The following ESRRG variants were observed in gnomAD, a reference collection of about 807,000 sequenced individuals.
ESRRG encodes estrogen related receptor gamma.
Under a neutral mutation model 44.0 loss-of-function variants are expected in ESRRG, and 13 were observed. The ratio of observed to expected loss-of-function variants is 0.30; its 90% confidence interval spans 0.19 to 0.47. The LOEUF is 0.47. Ranked by LOEUF, ESRRG falls within the 20% of genes least tolerant of loss-of-function variation. The pLI is 1.00. For missense variants in ESRRG, 395 were observed against 580.6 expected (o/e 0.68, Z 3.29); for synonymous variants, 215 against 214.6 (o/e 1.00, Z -0.02).
At chr1:216,596,545 GGGA>G (rs999743222) in intron 3 of ESRRG, among the ~76,000 whole-genome samples, 11 of 152,148 alleles carry the variant, frequency 7.2e-5, no homozygotes, top group African/African-American at 2.7e-4. Context: ...GAGGGAGAGT[GGGA>G]GGAGAACAGA....
At chr1:217,051,745 C>G (rs899101304) in intron 1 of ESRRG, among the ~76,000 whole-genome samples, 1 of 152,106 alleles carries the variant, frequency 6.6e-6, no homozygotes, top group African/African-American at 2.4e-5. Flanking sequence ...ATCTGGAGTC[C>G]TATTCTGCCC....
intron 2 of ESRRG, among the ~76,000 whole-genome samples, chr1:216,744,186 A>C (rs1336846008): frequency 6.6e-6 from 1 of 152,164 alleles, no homozygotes; most frequent in Admixed American, 6.6e-5. Context: ...TGTCCGTTAG[A>C]GTCTCTTCCT....
intron 2 of ESRRG, among the ~76,000 whole-genome samples, chr1:216,882,728 AG>A (rs1303199983): frequency 5.3e-5 from 8 of 152,232 alleles, no homozygotes; most frequent in Admixed American, 3.9e-4. Flanking sequence ...CTAAAAAGAA[AG>A]CAGAAGAAAA....
chr1:217,122,211 T>G (rs755403279), intron 1 of ESRRG, among the ~76,000 whole-genome samples: 1 of 152,148 alleles, frequency 6.6e-6, no homozygotes, highest in Non-Finnish European at 1.5e-5. Flanking sequence ...GACTTTCAAG[T>G]AGAGATATCC....
rs111805075 is a variant in ESRRG, at chr1:216,960,580, G to GTGTT, written c.-105-20911_-105-20908dup. On this transcript the variant is annotated intron_variant, in intron 1 of 7. Coordinates refer to the ESRRG transcript ENST00000359162. Reference sequence around the variant, plus strand: ...TACTACGCTTTTATGACTCCTCCATGTGTTTGTTTGTTTGTTTGTTTGTGG... The same window carrying GTGTT: ...TACTACGCTTTTATGACTCCTCCATGTGTTTGTTTGTTTGTTTGTTTGTTTGTGG... 1.4e-3 allele frequency among the ~76,000 whole-genome samples: 208 copies of GTGTT among 150,420 alleles called. 1 individual carries two copies. The highest frequency in any genetic ancestry group is 3.2e-3 in the African/African-American group (131 of 41,090).
intron 2 of ESRRG, among the ~76,000 whole-genome samples, chr1:216,879,484 CAAAAAAAAAA>C (rs755104959): frequency 1.1e-5 from 1 of 89,442 alleles, no homozygotes; most frequent in East Asian, 3.6e-4. Flanking sequence ...AAAAGGCCAC[CAAAAAAAAAA>C]AAAAAAAAAA....
chr1:216,811,237 A>G (rs2094958805), intron 2 of ESRRG, among the ~76,000 whole-genome samples: 2 of 147,414 alleles, frequency 1.4e-5, no homozygotes, highest in African/African-American at 5.3e-5. Context: ...TTTAGTCGTT[A>G]TCATCTCTTT....
intron 1 of ESRRG, among the ~76,000 whole-genome samples, chr1:216,722,084 A>G (rs951391294): frequency 1.3e-5 from 2 of 152,066 alleles, no homozygotes; most frequent in African/African-American, 4.8e-5. Flanking sequence ...CTCTTACTTA[A>G]TTACAAAGCA....
intron 5 of ESRRG, among the ~76,000 whole-genome samples, chr1:216,560,942 T>C (rs1398162815): frequency 1.3e-5 from 2 of 152,168 alleles, no homozygotes; most frequent in Non-Finnish European, 2.9e-5. Context: ...CTGGGCCCTG[T>C]CATTCTTAAA....
intron 2 of ESRRG, among the ~76,000 whole-genome samples, chr1:216,814,401 C>G (rs753897177): frequency 6.6e-6 from 1 of 152,134 alleles, no homozygotes; most frequent in Non-Finnish European, 1.5e-5. Flanking sequence ...GTCAAAATCA[C>G]TCAAATAACT....
chr1:216,766,208 T>A (rs1212897140), intron 2 of ESRRG, among the ~76,000 whole-genome samples: 1 of 152,118 alleles, frequency 6.6e-6, no homozygotes, highest in Non-Finnish European at 1.5e-5. Context: ...TTCTCCACTT[T>A]CTTATGCTTA....
intron 1 of ESRRG, among the ~76,000 whole-genome samples, chr1:216,950,826 T>TA (rs1356701333): frequency 1.3e-5 from 2 of 152,270 alleles, no homozygotes; most frequent in Middle Eastern, 3.4e-3. Flanking sequence ...CTCTTATTTT[T>TA]AAAAAAATAT....
At chr1:216,733,881 T>C (rs2089348818) in intron 2 of ESRRG, among the ~76,000 whole-genome samples, 1 of 150,058 alleles carries the variant, frequency 6.7e-6, no homozygotes, top group African/African-American at 2.5e-5. Flanking sequence ...TCTTAGCTAT[T>C]GGGAGGTTGA....
chr1:216,901,750 C>G (rs1229445333), intron 2 of ESRRG, among the ~76,000 whole-genome samples: 1 of 151,172 alleles, frequency 6.6e-6, no homozygotes, highest in Non-Finnish European at 1.5e-5. Flanking sequence ...TGGCAAAGTG[C>G]CTACTGATAC....
intron 1 of ESRRG, among the ~76,000 whole-genome samples, chr1:216,943,107 T>A (rs1425299181): frequency 6.6e-6 from 1 of 152,158 alleles, no homozygotes; most frequent in East Asian, 1.9e-4. Context: ...GGATTTTGCA[T>A]TGCAAGATTC....
intron 3 of ESRRG, among the ~76,000 whole-genome samples, chr1:216,586,765 C>T (rs1389513894): frequency 2.0e-5 from 3 of 151,268 alleles, no homozygotes; most frequent in Non-Finnish European, 2.9e-5. Context: ...TTTGTAGAGA[C>T]GGGGTTTCAC....
intron 1 of ESRRG, among the ~76,000 whole-genome samples, chr1:217,073,197 CAAAAAAAAAAAAAAAAAAA>C (rs34950214): frequency 2.6e-5 from 2 of 75,984 alleles, no homozygotes; most frequent in South Asian, 4.8e-4. Flanking sequence ...CCTTTCTGGA[CAAAAAAAAAAAAAAAAAAA>C]AAAAAAAAAA....
chr1:216,717,309 G>T (rs1377735804), intron 1 of ESRRG, among the ~76,000 whole-genome samples: 1 of 151,860 alleles, frequency 6.6e-6, no homozygotes, highest in African/African-American at 2.4e-5. Context: ...AGAAAAAGTA[G>T]AGTGGAGAGA....
chr1:216,669,314 T>C (rs2074661726), intron 2 of ESRRG, among the ~76,000 whole-genome samples: 2 of 152,160 alleles, frequency 1.3e-5, no homozygotes, highest in Non-Finnish European at 2.9e-5. Context: ...CACTACTCAT[T>C]TGTCTCAAGA....
Sources: gnomAD v4.1 joint callset for allele counts (sites outside exome capture counted in the v4.1 genomes callset) on GRCh38, gnomAD v4.1.1 for gene constraint, MANE v1.5 for transcripts, NCBI Gene and HGNC (gene_info 2026-07-23, HGNC 2026-07-21) for gene names.